The following RPS6KC1 variants were observed in gnomAD, a reference collection of about 807,000 sequenced individuals.
RPS6KC1 encodes inactive ribosomal protein S6 kinase delta-1.
In RPS6KC1, 54 loss-of-function variants were observed where a neutral mutation model predicts 103.8. That is an observed-to-expected ratio of 0.52 (90% CI 0.42 to 0.65). The LOEUF (loss-of-function observed/expected upper bound fraction) is 0.65, where lower values mean the gene tolerates loss of function less well. Among genes scored for constraint, RPS6KC1 ranks in the 30% least tolerant of loss-of-function variants. The pLI, the probability that RPS6KC1 is intolerant of heterozygous loss-of-function variation, is 0.00. For synonymous variants in RPS6KC1, 439 were observed against 438.7 expected, an observed-to-expected ratio of 1.00 and a Z score of -0.01; for missense variants, 1,151 against 1,253.8, an observed-to-expected ratio of 0.92 and a Z score of 1.24.
intron 8 of RPS6KC1, among the ~76,000 whole-genome samples, chr1:213,195,874 A>T (rs2092928803): frequency 6.6e-6 from 1 of 150,548 alleles, no homozygotes; most frequent in Non-Finnish European, 1.5e-5. Flanking sequence ...TTCTTTATCT[A>T]CTTGTTGGTA....
the RPS6KC1 span, among the ~76,000 whole-genome samples, chr1:213,340,247 T>A: frequency 1.3e-5 from 2 of 152,232 alleles, no homozygotes; most frequent in Non-Finnish European, 2.9e-5. Context: ...GAAGGTTGCA[T>A]AATGAGAAAC....
chr1:213,059,577 G>T (rs570131301), intron 1 of RPS6KC1, among the ~76,000 whole-genome samples: 1 of 152,208 alleles, frequency 6.6e-6, no homozygotes, highest in South Asian at 2.1e-4. Flanking sequence ...GCAGTGGTGC[G>T]ATCTCAGCTC....
chr1:213,267,211 T>C (rs998513725), intron 14 of RPS6KC1, among the ~76,000 whole-genome samples: 2 of 151,882 alleles, frequency 1.3e-5, no homozygotes, highest in African/African-American at 2.4e-5. Context: ...GGCTGAGATA[T>C]TTGAATACAA....
chr1:213,829,106 G>C, the RPS6KC1 span, among the ~76,000 whole-genome samples: 1 of 152,076 alleles, frequency 6.6e-6, no homozygotes, highest in Non-Finnish European at 1.5e-5. Context: ...GAATCTTGTA[G>C]TCCCGACGAA....
At chr1:213,419,681 A>G in the RPS6KC1 span, among the ~76,000 whole-genome samples, 1 of 152,196 alleles carries the variant, frequency 6.6e-6, no homozygotes, top group African/African-American at 2.4e-5. Context: ...ACTATACACA[A>G]ATAGAACTGA....
chr1:213,498,675 C>A, the RPS6KC1 span, among the ~76,000 whole-genome samples: 4 of 151,946 alleles, frequency 2.6e-5, no homozygotes, highest in African/African-American at 9.7e-5. Flanking sequence ...AGGCTGGTCT[C>A]GATCTTCTGG....
At chr1:213,301,936 A>C in the RPS6KC1 span, among the ~76,000 whole-genome samples, 1 of 152,052 alleles carries the variant, frequency 6.6e-6, no homozygotes, top group African/African-American at 2.4e-5. Context: ...GGGTTTCGCC[A>C]TCTGGGCCAG....
chr1:213,261,934 C>A (rs568116732), intron 13 of RPS6KC1, among the ~76,000 whole-genome samples: 1 of 152,102 alleles, frequency 6.6e-6, no homozygotes, highest in African/African-American at 2.4e-5. Context: ...TTAACAGGGT[C>A]AAATCTGTAA....
At chr1:213,655,719 A>C in the RPS6KC1 span, among the ~76,000 whole-genome samples, 33 of 152,346 alleles carry the variant, frequency 2.2e-4, no homozygotes, top group African/African-American at 7.9e-4. Flanking sequence ...ACCTGCTGTG[A>C]AACATTCTTT....
At chr1:213,090,826 A>G (rs2080893070) in intron 3 of RPS6KC1, among the ~76,000 whole-genome samples, 1 of 152,222 alleles carries the variant, frequency 6.6e-6, no homozygotes. Flanking sequence ...AAAATACACT[A>G]CATGTTAACA....
chr1:213,381,872 T>A, the RPS6KC1 span, among the ~76,000 whole-genome samples: 1 of 152,132 alleles, frequency 6.6e-6, no homozygotes, highest in Non-Finnish European at 1.5e-5. Flanking sequence ...AGGGGAGACT[T>A]GCAGCGAGCT....
chr1:213,172,232 G>T (rs2091528288), intron 7 of RPS6KC1, among the ~76,000 whole-genome samples: 1 of 152,192 alleles, frequency 6.6e-6, no homozygotes, highest in Middle Eastern at 3.4e-3. Context: ...ACTGAGAACA[G>T]GAAATAATAT....
At chr1:213,685,033 C>T in the RPS6KC1 span, among the ~76,000 whole-genome samples, 1 of 152,204 alleles carries the variant, frequency 6.6e-6, no homozygotes, top group South Asian at 2.1e-4. Context: ...TCACCCCACC[C>T]TCTCCTTTTG....
At chr1:213,096,654 GAC>G (rs1488287506) in intron 3 of RPS6KC1, among the ~76,000 whole-genome samples, 1 of 151,400 alleles carries the variant, frequency 6.6e-6, no homozygotes, top group African/African-American at 2.4e-5. Context: ...GACAGCACGA[GAC>G]ACTGTATCAA....
chr1:213,373,603 A>G, the RPS6KC1 span, among the ~76,000 whole-genome samples: 21 of 152,342 alleles, frequency 1.4e-4, no homozygotes, highest in South Asian at 1.7e-3. Flanking sequence ...GTATTTGACA[A>G]TTTAAAAAAA....
the RPS6KC1 span, among the ~76,000 whole-genome samples, chr1:213,521,264 T>C: frequency 6.6e-6 from 1 of 152,214 alleles, no homozygotes; most frequent in Non-Finnish European, 1.5e-5. Flanking sequence ...TCCCAGTGCA[T>C]ATAAAAGTTA....
intron 6 of RPS6KC1, among the ~76,000 whole-genome samples, chr1:213,153,947 T>G (rs1163899386): frequency 2.0e-5 from 3 of 152,226 alleles, no homozygotes; most frequent in Non-Finnish European, 4.4e-5. Context: ...TGTTGTGATC[T>G]AAGCTGTTTC....
At chr1:213,266,418 C>T (rs1463292748) in intron 14 of RPS6KC1, among the ~76,000 whole-genome samples, 2 of 152,112 alleles carry the variant, frequency 1.3e-5, no homozygotes, top group Non-Finnish European at 2.9e-5. Context: ...TTGCACTTGA[C>T]TACTTTCTGT....
chr1:213,804,173 TA>T, the RPS6KC1 span, among the ~76,000 whole-genome samples: 29,551 of 58,356 alleles, frequency 0.51, 4,943 homozygotes, highest in Non-Finnish European at 0.57. Context: ...TGGCTAATCT[TA>T]AAAAAAAAAA....
Sources: gnomAD v4.1 joint callset for allele counts (sites outside exome capture counted in the v4.1 genomes callset) on GRCh38, gnomAD v4.1.1 for gene constraint, MANE v1.5 for transcripts, NCBI Gene and HGNC (gene_info 2026-07-23, HGNC 2026-07-21) for gene names.